RSPO3: variants seen among roughly 807,000 people sequenced by gnomAD.
RSPO3 encodes R-spondin-3.
A neutral mutation model predicts 36.5 loss-of-function variants in RSPO3; 17 were observed. The ratio of observed to expected loss-of-function variants is 0.47; its 90% confidence interval spans 0.32 to 0.70. The LOEUF is 0.70. Ranked by LOEUF, RSPO3 falls within the 30% of genes least tolerant of loss-of-function variation. The pLI is 0.04. For synonymous variants in RSPO3, 108 were observed against 107.0 expected, an observed-to-expected ratio of 1.01 and a Z score of -0.06; for missense variants, 294 against 322.5, an observed-to-expected ratio of 0.91 and a Z score of 0.68.
At position 127,129,538 on chromosome 6, in the gene RSPO3, G is replaced by A. The variant is rs552876390; in HGVS notation, c.97+10249G>A. Among the ~76,000 whole-genome samples the A allele has an allele frequency of 2.0e-5, 3 of 152,168 alleles. No homozygotes were observed. The South Asian group carries it at 6.2e-4, about 32-fold the overall frequency. On this transcript the variant is annotated intron_variant, in intron 1 of 4. Transcript: ENST00000356698. ...CTTGGGAGGAAGGTCATCACAGCGA[G>A]CTTTAGCCATTGCTCCAACGTCAGA...
chr6:127,129,790 C>T (rs1774014298), intron 1 of RSPO3, among the ~76,000 whole-genome samples: 2 of 152,036 alleles, frequency 1.3e-5, no homozygotes, highest in Non-Finnish European at 2.9e-5. Context: ...ACTCCCAATT[C>T]ATCACTACAA....
chr6:127,164,667 G>C (rs1431508805), intron 4 of RSPO3, among the ~76,000 whole-genome samples: 1 of 152,118 alleles, frequency 6.6e-6, no homozygotes, highest in East Asian at 1.9e-4. Context: ...TAGCTGCTGA[G>C]GGTTCTGTGT....
At chr6:127,136,211 A>G (rs1774154210) in intron 1 of RSPO3, among the ~76,000 whole-genome samples, 1 of 152,144 alleles carries the variant, frequency 6.6e-6, no homozygotes, top group African/African-American at 2.4e-5. Flanking sequence ...CTGATTTCTT[A>G]TGTGTTTAAT....
intron 1 of RSPO3, among the ~76,000 whole-genome samples, chr6:127,142,771 T>C (rs1287617630): frequency 6.6e-6 from 1 of 152,110 alleles, no homozygotes; most frequent in East Asian, 1.9e-4. Context: ...ACATTTTTAT[T>C]ATTCTTTCTT....
At chr6:127,161,981 G>A (rs1582801649) in intron 4 of RSPO3, among the ~76,000 whole-genome samples, 1 of 152,144 alleles carries the variant, frequency 6.6e-6, no homozygotes, top group African/African-American at 2.4e-5. Context: ...GGGCAATTAA[G>A]GCTGAGACCT....
At chr6:127,129,850 T>C (rs1423039953) in intron 1 of RSPO3, among the ~76,000 whole-genome samples, 1 of 152,022 alleles carries the variant, frequency 6.6e-6, no homozygotes, top group Non-Finnish European at 1.5e-5. Flanking sequence ...GAATCTAGTC[T>C]AAGTTCATAA....
chr6:127,130,417 A>T (rs1244407427), intron 1 of RSPO3, among the ~76,000 whole-genome samples: 1 of 152,082 alleles, frequency 6.6e-6, no homozygotes, highest in African/African-American at 2.4e-5. Context: ...TGGATGAGTG[A>T]TATTGCTTAT....
intron 1 of RSPO3, among the ~76,000 whole-genome samples, chr6:127,128,089 C>T (rs2114542869): frequency 6.6e-6 from 1 of 152,150 alleles, no homozygotes; most frequent in East Asian, 1.9e-4. Context: ...TTAATGTAGG[C>T]ATGAGAATGT....
intron 4 of RSPO3, among the ~76,000 whole-genome samples, chr6:127,190,919 ACT>A (rs1231447780): frequency 2.0e-5 from 3 of 152,012 alleles, no homozygotes; most frequent in Admixed American, 6.6e-5. Context: ...AGGGAAAGCA[ACT>A]CTTTTTTTCA....
chr6:127,152,251 C>A (rs1169096170), intron 3 of RSPO3, among the ~76,000 whole-genome samples: 2 of 152,104 alleles, frequency 1.3e-5, no homozygotes, highest in South Asian at 2.1e-4. Flanking sequence ...GTTCATTTAA[C>A]AGATGCAAAT....
intron 1 of RSPO3, among the ~76,000 whole-genome samples, chr6:127,136,468 A>T (rs569398620): frequency 6.6e-6 from 1 of 152,124 alleles, no homozygotes; most frequent in Non-Finnish European, 1.5e-5. Flanking sequence ...GGAAGGTTCA[A>T]ATCTGATCCT....
At chr6:127,128,787 C>A (rs1348092846) in intron 1 of RSPO3, among the ~76,000 whole-genome samples, 1 of 152,006 alleles carries the variant, frequency 6.6e-6, no homozygotes, top group Admixed American at 6.6e-5. Flanking sequence ...AAGAACAGAG[C>A]AAAATGCACA....
At chr6:127,184,678 T>C (rs928051667) in intron 4 of RSPO3, among the ~76,000 whole-genome samples, 1 of 152,030 alleles carries the variant, frequency 6.6e-6, no homozygotes, top group African/African-American at 2.4e-5. Flanking sequence ...CAAGTCTTAA[T>C]ATGCTACATG....
intron 4 of RSPO3, among the ~76,000 whole-genome samples, chr6:127,164,896 T>C (rs893269124): frequency 6.6e-6 from 1 of 152,104 alleles, no homozygotes; most frequent in Non-Finnish European, 1.5e-5. Flanking sequence ...TGGAAGAGCT[T>C]GCTTTTCCTA....
intron 4 of RSPO3, among the ~76,000 whole-genome samples, chr6:127,185,450 A>G (rs1361981191): frequency 6.6e-6 from 1 of 152,106 alleles, no homozygotes; most frequent in Non-Finnish European, 1.5e-5. Context: ...AATCTGCAAC[A>G]AAAGAAGAAT....
intron 4 of RSPO3, among the ~76,000 whole-genome samples, chr6:127,172,329 A>T (rs972000295): frequency 6.6e-6 from 1 of 151,522 alleles, no homozygotes; most frequent in African/African-American, 2.4e-5. Flanking sequence ...AATTAAAAAA[A>T]ATATCCAAAT....
intron 1 of RSPO3, among the ~76,000 whole-genome samples, chr6:127,121,920 T>C (rs150221926): frequency 4.3e-4 from 66 of 152,348 alleles, no homozygotes; most frequent in East Asian, 2.1e-3. Context: ...CCTGTAGTTA[T>C]ATAGTTTCAA....
intron 1 of RSPO3, among the ~76,000 whole-genome samples, chr6:127,133,985 T>C (rs1454775653): frequency 6.6e-6 from 1 of 152,172 alleles, no homozygotes; most frequent in Non-Finnish European, 1.5e-5. Flanking sequence ...TAGATATCAT[T>C]TCTAAGCCGA....
chr6:127,141,874 C>T (rs1774277771), intron 1 of RSPO3, among the ~76,000 whole-genome samples: 2 of 151,776 alleles, frequency 1.3e-5, no homozygotes, highest in Non-Finnish European at 2.9e-5. Context: ...TGTATATACA[C>T]ACATATATGT....
Sources: gnomAD v4.1 joint callset for allele counts (sites outside exome capture counted in the v4.1 genomes callset) on GRCh38, gnomAD v4.1.1 for gene constraint, MANE v1.5 for transcripts, NCBI Gene and HGNC (gene_info 2026-07-23, HGNC 2026-07-21) for gene names.